Variants in EFHD1 observed in about 807,000 individuals in gnomAD.
EFHD1 encodes EF-hand domain-containing protein D1.
EFHD1 carries 10 observed loss-of-function variants against 17.2 expected under a neutral mutation model. That is an observed-to-expected ratio of 0.58 (90% CI 0.36 to 0.99). The LOEUF (loss-of-function observed/expected upper bound fraction) is 0.99, where lower values mean the gene tolerates loss of function less well. Ranked by LOEUF, EFHD1 falls within the 50% of genes least tolerant of loss-of-function variation. EFHD1 has a pLI of 0.01. For missense variants in EFHD1, 310 were observed against 327.5 expected (o/e 0.95, Z 0.41); for synonymous variants, 153 against 142.0 (o/e 1.08, Z -0.55).
chr2:232,662,383 G>C (rs1664094158), intron 1 of EFHD1, among the ~76,000 whole-genome samples: 1 of 152,176 alleles, frequency 6.6e-6, no homozygotes, highest in Admixed American at 6.5e-5. Flanking sequence ...GCAGTGACCA[G>C]GAGGAGGCTC....
intron 1 of EFHD1, among the ~76,000 whole-genome samples, chr2:232,651,061 G>A (rs891071318): frequency 6.6e-6 from 1 of 152,162 alleles, no homozygotes; most frequent in Non-Finnish European, 1.5e-5. Context: ...AATAAGGAGG[G>A]AGGGATCCAG....
chr2:232,669,897 C>T (rs1307154026), intron 2 of EFHD1, among the ~76,000 whole-genome samples: 1 of 152,148 alleles, frequency 6.6e-6, no homozygotes, highest in East Asian at 1.9e-4. Context: ...CTGCACCTGG[C>T]GAGAAGGCAT....
intron 1 of EFHD1, among the ~76,000 whole-genome samples, chr2:232,615,684 C>CT (rs34266488): frequency 0.3 from 32,634 of 109,064 alleles, 5,984 homozygotes; most frequent in Non-Finnish European, 0.39. Flanking sequence ...TTTTCTTTTC[C>CT]TTTTTTTTTT....
chr2:232,614,530 G>C (rs1374118996), intron 1 of EFHD1, among the ~76,000 whole-genome samples: 2 of 152,128 alleles, frequency 1.3e-5, no homozygotes, highest in Admixed American at 1.3e-4. Context: ...CTTTATTGTA[G>C]GAAAGCAGTG....
intron 2 of EFHD1, among the ~76,000 whole-genome samples, chr2:232,672,073 T>A (rs1695080520): frequency 6.6e-6 from 1 of 152,052 alleles, no homozygotes; most frequent in Non-Finnish European, 1.5e-5. Flanking sequence ...AAAAAAAAGT[T>A]TGAATCGGTT....
chr2:232,609,765 C>G (rs1019951087), intron 1 of EFHD1, among the ~76,000 whole-genome samples: 4 of 152,190 alleles, frequency 2.6e-5, no homozygotes, highest in Admixed American at 1.3e-4. Context: ...TCCCGACACA[C>G]AATCAATCCT....
chr2:232,676,936 G>T (rs1476556076), intron 3 of EFHD1, among the ~76,000 whole-genome samples: 1 of 152,030 alleles, frequency 6.6e-6, no homozygotes, highest in Non-Finnish European at 1.5e-5. Context: ...GGAGTTCAAG[G>T]TTGCAGTGAG....
chr2:232,650,560 CTTTTT>C (rs71398730), intron 1 of EFHD1, among the ~76,000 whole-genome samples: 2 of 48,668 alleles, frequency 4.1e-5, no homozygotes, highest in East Asian at 9.2e-4. Flanking sequence ...TCCCAAAGTG[CTTTTT>C]TTTTTTTTTT....
chr2:232,669,604 T>C (rs1056772752), intron 2 of EFHD1, among the ~76,000 whole-genome samples: 35 of 137,230 alleles, frequency 2.6e-4, no homozygotes. Context: ...TGAGAAGGCT[T>C]TTTTTTTTTT....
upstream of EFHD1, among the ~76,000 whole-genome samples, chr2:232,632,085 G>A (rs563482973): frequency 6.6e-6 from 1 of 152,048 alleles, no homozygotes; most frequent in African/African-American, 2.4e-5. Flanking sequence ...TCTGAAATGT[G>A]TCACATAAAG....
intron 1 of EFHD1, chr2:232,649,820 A>G (rs1694606008): frequency 6.6e-6 from 1 of 152,232 alleles, no homozygotes; most frequent in Admixed American, 6.5e-5. Context: ...TCCCCCTAAC[A>G]GAGTCTGGAG....
At chr2:232,636,601 G>A (rs1189574306) in intron 1 of EFHD1, among the ~76,000 whole-genome samples, 2 of 152,050 alleles carry the variant, frequency 1.3e-5, no homozygotes, top group African/African-American at 2.4e-5. Context: ...TGAGGCAGGC[G>A]GATCATGAGG....
intron 1 of EFHD1, among the ~76,000 whole-genome samples, chr2:232,644,803 T>TA (rs1048612120): frequency 1.3e-5 from 2 of 151,114 alleles, no homozygotes; most frequent in African/African-American, 4.9e-5. Flanking sequence ...AATTTTTTTT[T>TA]TTTTTTTTTT....
chr2:232,659,293 GA>G (rs1052201969), intron 1 of EFHD1, among the ~76,000 whole-genome samples: 41 of 146,112 alleles, frequency 2.8e-4, no homozygotes, highest in Admixed American at 4.8e-4. Flanking sequence ...AGGGCACTGA[GA>G]AAAAAAAAAA....
At chr2:232,657,680 G>A (rs1356031342) in intron 1 of EFHD1, among the ~76,000 whole-genome samples, 1 of 151,364 alleles carries the variant, frequency 6.6e-6, no homozygotes, top group Non-Finnish European at 1.5e-5. Flanking sequence ...CCATGGTGGT[G>A]GGCGCCTGTA....
At chr2:232,634,257 C>T (rs1694272789) in intron 1 of EFHD1, among the ~76,000 whole-genome samples, 2 of 152,102 alleles carry the variant, frequency 1.3e-5, no homozygotes, top group South Asian at 4.2e-4. Flanking sequence ...CTGCCGGGCC[C>T]GAGTTCCAGG....
intron 3 of EFHD1, among the ~76,000 whole-genome samples, chr2:232,675,582 A>G (rs1176340039): frequency 6.6e-6 from 1 of 152,200 alleles, no homozygotes; most frequent in Admixed American, 6.5e-5. Context: ...CTGTGACATG[A>G]TTCCGATGCA....
chr2:232,637,678 T>G (rs1440524591), intron 1 of EFHD1, among the ~76,000 whole-genome samples: 1 of 152,172 alleles, frequency 6.6e-6, no homozygotes, highest in Non-Finnish European at 1.5e-5. Context: ...TCTAGATTCA[T>G]GTTCTGATGT....
intron 1 of EFHD1, among the ~76,000 whole-genome samples, chr2:232,612,511 A>ACGTGGAAAGTCACTAGAGG (rs1693829642): frequency 6.6e-6 from 1 of 152,130 alleles, no homozygotes; most frequent in African/African-American, 2.4e-5. Flanking sequence ...GTCACTAGAG[A>ACGTGGAAAGTCACTAGAGG]CATGAAAAAC....
Sources: gnomAD v4.1 joint callset for allele counts (sites outside exome capture counted in the v4.1 genomes callset) on GRCh38, gnomAD v4.1.1 for gene constraint, MANE v1.5 for transcripts, NCBI Gene and HGNC (gene_info 2026-07-23, HGNC 2026-07-21) for gene names.